Variants in SNAP23 observed in about 807,000 individuals in gnomAD.
SNAP23 encodes the protein synaptosomal-associated protein 23.
A neutral mutation model predicts 29.0 loss-of-function variants in SNAP23; 11 were observed. The observed-to-expected ratio is 0.38, with a 90% CI of 0.24 to 0.63. The LOEUF is 0.63. SNAP23 is among the 20% of genes least tolerant of loss of function. SNAP23 has a pLI of 0.58. For missense variants in SNAP23, 220 were observed against 253.9 expected (o/e 0.87, Z 0.91); for synonymous variants, 60 against 82.9 (o/e 0.72, Z 1.50).
At chr15:42,529,611 A>G in intron 6 of SNAP23, 64 bp from the exon 7 acceptor site, 1 of 1,559,898 alleles carries the variant, frequency 6.4e-7, no homozygotes, top group Non-Finnish European at 8.7e-7. Context: ...TTTTGTGAAA[A>G]GTAAATCCAG....
chr15:42,498,351 A>G (rs1463059735), intron 1 of SNAP23, among the ~76,000 whole-genome samples: 2 of 152,180 alleles, frequency 1.3e-5, no homozygotes, highest in African/African-American at 4.8e-5. Context: ...TGAAATCTAG[A>G]CAGAGGTTCC....
chr15:42,510,556 A>G (rs1245075767), intron 1 of SNAP23, among the ~76,000 whole-genome samples: 1 of 152,142 alleles, frequency 6.6e-6, no homozygotes, highest in Non-Finnish European at 1.5e-5. Flanking sequence ...CTTTGTTTCT[A>G]AGAGCCATGT....
chr15:42,510,019 G>C (rs1364664071), intron 1 of SNAP23, among the ~76,000 whole-genome samples: 1 of 152,034 alleles, frequency 6.6e-6, no homozygotes, highest in African/African-American at 2.4e-5. Context: ...CAGTGAGTCA[G>C]GGTTACACCA....
intron 4 of SNAP23, among the ~76,000 whole-genome samples, chr15:42,514,058 A>G (rs768836484): frequency 1.3e-5 from 2 of 149,386 alleles, no homozygotes; most frequent in Non-Finnish European, 3.0e-5. Context: ...CAGGTGATCC[A>G]CCCGCCTTGA....
chr15:42,518,496 C>T (rs1419296317), intron 5 of SNAP23, among the ~76,000 whole-genome samples: 1 of 145,586 alleles, frequency 6.9e-6, no homozygotes, highest in East Asian at 2.1e-4. Context: ...AGTGCAGTGG[C>T]AGTCATGGCT....
intron 5 of SNAP23, among the ~76,000 whole-genome samples, chr15:42,522,969 C>G (rs1327505707): frequency 6.6e-6 from 1 of 150,420 alleles, no homozygotes; most frequent in African/African-American, 2.4e-5. Flanking sequence ...CTCAGCCTCA[C>G]GAGTAACTGG....
At chr15:42,511,954 TG>T (rs1354240067) in intron 2 of SNAP23, 51 bp downstream of exon 2, 1 of 1,305,656 alleles carries the variant, frequency 7.7e-7, no homozygotes, top group Admixed American at 1.9e-5. Context: ...GTTTTCATAT[TG>T]GAGGAGTGAG....
chr15:42,525,322 C>A (rs374290490), intron 5 of SNAP23, among the ~76,000 whole-genome samples: 144 of 145,452 alleles, frequency 9.9e-4, no homozygotes, highest in African/African-American at 3.6e-3. Flanking sequence ...GAGCTGAGAT[C>A]GTGCCACTGC....
At chr15:42,498,072 G>GGCCC (rs1354662355) in intron 1 of SNAP23, among the ~76,000 whole-genome samples, 1 of 152,228 alleles carries the variant, frequency 6.6e-6, no homozygotes, top group African/African-American at 2.4e-5. Context: ...TTCAGGCCCA[G>GGCCC]AGGCTGCTCT....
rs190239236 is a variant in SNAP23, at chr15:42,500,374, G to C, written c.-15+4661G>C. 1.5e-4 allele frequency among the ~76,000 whole-genome samples: 23 copies of C among 150,342 alleles called. No individual in the cohort carries two copies. In the East Asian group the frequency reaches 4.1e-3, roughly 27 times the overall value. ...GACAGACGGGCAGATGACAAGGACT[G>C]CTCTTTTCTTTTCCCTTTTTTTTTT... On this transcript the variant is annotated intron_variant, in intron 1 of 7. Transcript: ENST00000249647.
At position 42,532,931 on chromosome 15, in the gene SNAP23, A is replaced by G. The variant is rs1052908466; in HGVS notation, c.*1453A>G. ...GTTGATGTGGATCCTGAAAAGTGTTATGAACATCTGATTGGTATTTGTCAC... is the reference window on the plus strand; with the variant it reads ...GTTGATGTGGATCCTGAAAAGTGTTGTGAACATCTGATTGGTATTTGTCAC... On this transcript the variant is annotated 3_prime_UTR_variant, in exon 8 of 8. Coordinates refer to ENST00000249647, the MANE Select transcript of SNAP23 (RefSeq NM_003825.4). 6.6e-6 allele frequency: 1 copy of G among 152,652 alleles called. No individual in the cohort carries two copies. The highest frequency in any genetic ancestry group is 2.4e-5 in the African/African-American group (1 of 41,428). The allele number at this position is 152,652 out of a possible 1,614,324, so 9.5% of individuals were successfully genotyped here.
intron 5 of SNAP23, among the ~76,000 whole-genome samples, chr15:42,519,458 G>A (rs1425561013): frequency 2.7e-5 from 4 of 150,908 alleles, no homozygotes; most frequent in Non-Finnish European, 4.4e-5. Context: ...TGCAACCTTC[G>A]CTTCCTGGGT....
upstream of SNAP23, among the ~76,000 whole-genome samples, chr15:42,494,309 C>A (rs374908440): frequency 2.1e-3 from 321 of 151,908 alleles, 1 homozygote; most frequent in African/African-American, 7.5e-3. Context: ...TAATCAGTGA[C>A]CTCTGTGTTA....
At chr15:42,524,564 C>CT (rs1032779758) in intron 5 of SNAP23, among the ~76,000 whole-genome samples, 3 of 152,180 alleles carry the variant, frequency 2.0e-5, no homozygotes, top group Non-Finnish European at 2.9e-5. Context: ...TTATGAGAAT[C>CT]TAACTAATGC....
At chr15:42,518,479 A>G (rs1595524938) in intron 5 of SNAP23, among the ~76,000 whole-genome samples, 1 of 133,736 alleles carries the variant, frequency 7.5e-6, no homozygotes, top group South Asian at 2.3e-4. Flanking sequence ...TCTGTTACCC[A>G]GGCTGGAGTG....
chr15:42,491,469 C>A (rs1444641663), upstream of SNAP23: 4 of 152,248 alleles, frequency 2.6e-5, no homozygotes, highest in Admixed American at 2.6e-4. Context: ...ACACTCCTTC[C>A]TTGTAAAACT....
At position 42,530,226 on chromosome 15, in the gene SNAP23, G is replaced by A. The variant is rs570626404; in HGVS notation, c.570+407G>A. 1.9e-3 allele frequency among the ~76,000 whole-genome samples: 294 copies of A among 152,196 alleles called. 2 individuals are homozygous for A. Among genetic ancestry groups the A allele is most frequent in the African/African-American group, 6.5e-3 (271 of 41,516 alleles). On this transcript the variant is annotated intron_variant, in intron 7 of 7. Transcript: ENST00000249647. The stretch of plus-strand genomic sequence containing the variant: ...TGCAGCCTGCCTCCTAGGCTAAAGC[G>A]TTCCTCCCACATCAGCCTATTTTGT...
chr15:42,496,471 C>CT (rs1236615599), intron 1 of SNAP23, among the ~76,000 whole-genome samples: 1 of 152,140 alleles, frequency 6.6e-6, no homozygotes, highest in East Asian at 1.9e-4. Context: ...AATCCCAGCA[C>CT]TTTGGGAGGT....
At chr15:42,524,114 C>CT (rs899109603) in intron 5 of SNAP23, among the ~76,000 whole-genome samples, 10 of 151,948 alleles carry the variant, frequency 6.6e-5, no homozygotes, top group Non-Finnish European at 1.0e-4. Flanking sequence ...CCGCGCCTGG[C>CT]TTTTTTTTGT....
Sources: gnomAD v4.1 joint callset for allele counts (sites outside exome capture counted in the v4.1 genomes callset) on GRCh38, gnomAD v4.1.1 for gene constraint, MANE v1.5 for transcripts, NCBI Gene and HGNC (gene_info 2026-07-23, HGNC 2026-07-21) for gene names.